Variants in FOXN3 observed in about 807,000 individuals in gnomAD.
FOXN3 encodes the protein forkhead box N3, also known as forkhead box protein N3.
FOXN3 carries 7 observed loss-of-function variants against 38.4 expected under a neutral mutation model. The observed-to-expected ratio is 0.18, with a 90% confidence interval of 0.10 to 0.34. FOXN3 has a LOEUF of 0.34. FOXN3 is among the 10% of genes least tolerant of loss of function. The pLI is 1.00. For missense variants in FOXN3, 456 were observed against 613.4 expected (o/e 0.74, Z 2.71); for synonymous variants, 230 against 242.2 (o/e 0.95, Z 0.47).
At chr14:89,209,535 T>G (rs1343932093) in intron 4 of FOXN3, among the ~76,000 whole-genome samples, 1 of 152,226 alleles carries the variant, frequency 6.6e-6, no homozygotes, top group Non-Finnish European at 1.5e-5. Flanking sequence ...GATTCCTGCT[T>G]GAAGGCATGG....
intron 1 of FOXN3, among the ~76,000 whole-genome samples, chr14:89,606,835 C>T (rs988353186): frequency 4.0e-5 from 6 of 151,662 alleles, no homozygotes; most frequent in African/African-American, 1.2e-4. Flanking sequence ...GCGACAATAG[C>T]GAGACTCTGT....
chr14:89,178,088 G>A (rs1887570406), intron 5 of FOXN3, among the ~76,000 whole-genome samples: 1 of 152,096 alleles, frequency 6.6e-6, no homozygotes, highest in South Asian at 2.1e-4. Context: ...GCTCACTGCA[G>A]TCTTGACCTC....
intron 3 of FOXN3, among the ~76,000 whole-genome samples, chr14:89,320,450 TC>T (rs1277015598): frequency 1.3e-5 from 2 of 152,236 alleles, no homozygotes; most frequent in African/African-American, 4.8e-5. Context: ...TCAAATATTT[TC>T]CGCAGAATCA....
At chr14:89,415,597 CAAT>C (rs1190774530) in intron 1 of FOXN3, among the ~76,000 whole-genome samples, 3 of 14,260 alleles carry the variant, frequency 2.1e-4, no homozygotes, top group African/African-American at 2.1e-4. Flanking sequence ...AACAAAACAA[CAAT>C]AACCAAAAAA....
At chr14:89,496,028 C>T (rs920164454) in intron 1 of FOXN3, among the ~76,000 whole-genome samples, 14 of 152,208 alleles carry the variant, frequency 9.2e-5, no homozygotes, top group African/African-American at 2.2e-4. Context: ...GCTTGGCCAA[C>T]GTGGTAAAAT....
At chr14:89,239,589 G>A (rs932147282) in intron 4 of FOXN3, among the ~76,000 whole-genome samples, 2 of 152,206 alleles carry the variant, frequency 1.3e-5, no homozygotes, top group Non-Finnish European at 2.9e-5. Context: ...CAGATGGCCT[G>A]CACACCAAAT....
chr14:89,510,714 A>C (rs1388374451), intron 1 of FOXN3, among the ~76,000 whole-genome samples: 2 of 152,140 alleles, frequency 1.3e-5, no homozygotes, highest in African/African-American at 4.8e-5. Flanking sequence ...GGCCGAGGCC[A>C]GCAGATCACT....
In FOXN3 at chr14:89,210,445, T is replaced by C. The variant is rs549451514; in HGVS notation, c.746-29639A>G. 1.1e-4 allele frequency among the ~76,000 whole-genome samples: 17 copies of C among 152,332 alleles called. No homozygotes were observed. The South Asian group carries it at 3.5e-3, about 32-fold the overall frequency. The stretch of plus-strand genomic sequence containing the variant: ...GTAAGCCAATTAAACCTCTTTTCTT[T>C]ATAAATTACCCAGTCTCAGGTATTT... On this transcript the variant is annotated intron_variant, in intron 4 of 5. Coordinates refer to ENST00000557258, the MANE Select transcript of FOXN3 (RefSeq NM_005197.4).
chr14:89,252,005 G>A (rs777181275), intron 4 of FOXN3, among the ~76,000 whole-genome samples: 9 of 152,236 alleles, frequency 5.9e-5, no homozygotes, highest in Admixed American at 1.3e-4. Context: ...AACAGGGATA[G>A]TTCTTTGGAA....
chr14:89,170,831 C>T (rs1008879214), intron 5 of FOXN3, among the ~76,000 whole-genome samples: 3 of 151,874 alleles, frequency 2.0e-5, no homozygotes, highest in South Asian at 2.1e-4. Context: ...TATACCTTAA[C>T]AATAATTAAA....
At chr14:89,384,074 T>C (rs986292138) in intron 2 of FOXN3, among the ~76,000 whole-genome samples, 14 of 152,210 alleles carry the variant, frequency 9.2e-5, no homozygotes, top group Non-Finnish European at 1.8e-4. Flanking sequence ...TCAGGGGATA[T>C]GCTACAATCA....
At chr14:89,223,440 C>T (rs1884533766) in intron 4 of FOXN3, 1 of 152,384 alleles carries the variant, frequency 6.6e-6, no homozygotes, top group Admixed American at 6.5e-5. Flanking sequence ...CTGATGGCTT[C>T]CTACATTTCG....
chr14:89,364,575 C>A (rs912087010), intron 2 of FOXN3: 6 of 152,158 alleles, frequency 3.9e-5, no homozygotes, highest in African/African-American at 1.2e-4. Context: ...ATAATCCCAG[C>A]CACAGAATAT....
intron 1 of FOXN3, among the ~76,000 whole-genome samples, chr14:89,449,758 C>T (rs113960514): frequency 2.0e-5 from 3 of 152,156 alleles, no homozygotes; most frequent in Admixed American, 6.5e-5. Context: ...CAACTCCCCA[C>T]GGAGGTCTGA....
At chr14:89,266,639 T>G (rs1040956965) in intron 4 of FOXN3, among the ~76,000 whole-genome samples, 1 of 152,158 alleles carries the variant, frequency 6.6e-6, no homozygotes, top group Non-Finnish European at 1.5e-5. Context: ...GATTACAGTC[T>G]GGCTGGAAGA....
intron 2 of FOXN3, among the ~76,000 whole-genome samples, chr14:89,395,281 GATTA>G (rs1221088421): frequency 6.6e-6 from 1 of 152,176 alleles, no homozygotes; most frequent in African/African-American, 2.4e-5. Flanking sequence ...ACAGATGAAT[GATTA>G]ATTAAACATA....
intron 1 of FOXN3, among the ~76,000 whole-genome samples, chr14:89,477,543 A>G (rs1893236062): frequency 6.6e-6 from 1 of 152,224 alleles, no homozygotes; most frequent in Non-Finnish European, 1.5e-5. Flanking sequence ...CTCACCCACA[A>G]CAGCCAAGAA....
intron 4 of FOXN3, among the ~76,000 whole-genome samples, chr14:89,252,719 T>C (rs904570148): frequency 6.6e-6 from 1 of 151,586 alleles, no homozygotes. Flanking sequence ...TGTGAAGATA[T>C]GAGGACTCAA....
chr14:89,369,467 T>C (rs1890250695), intron 2 of FOXN3, among the ~76,000 whole-genome samples: 1 of 152,188 alleles, frequency 6.6e-6, no homozygotes, highest in South Asian at 2.1e-4. Flanking sequence ...AGAGATAGTA[T>C]ATGTTATGAT....
Sources: allele counts gnomAD v4.1 joint callset (sites outside exome capture counted in the v4.1 genomes callset), GRCh38; gene constraint gnomAD v4.1.1; transcripts MANE v1.5; gene names NCBI Gene and HGNC (gene_info 2026-07-23, HGNC 2026-07-21).